The following MID1 variants were observed in gnomAD, a reference collection of about 807,000 sequenced individuals.
MID1 encodes E3 ubiquitin-protein ligase Midline-1.
A neutral mutation model predicts 40.4 loss-of-function variants in MID1; 7 were observed. The ratio of observed to expected loss-of-function variants is 0.17; its 90% CI spans 0.10 to 0.33. The LOEUF is 0.33. Ranked by LOEUF, MID1 falls within the 10% of genes least tolerant of loss-of-function variation. MID1 has a pLI of 1.00. For missense variants in MID1, 367 were observed against 558.5 expected, an observed-to-expected ratio of 0.66 and a Z score of 3.46; for synonymous variants, 229 against 221.2, an observed-to-expected ratio of 1.04 and a Z score of -0.31.
In MID1 at chrX:10,720,886, A is replaced by T. The variant is rs1426531675; in HGVS notation, c.-186-100467T>A. On this transcript the variant is annotated intron_variant, in intron 1 of 10. Transcript: ENST00000380785. The stretch of plus-strand genomic sequence containing the variant: ...TGCAGCCATAAAAAATGATGAGTTC[A>T]TGTCCTTTGTAGGGACATGGATGAA... Among the ~76,000 whole-genome samples the T allele has an allele frequency of 2.7e-5, 3 of 110,127 alleles. No homozygotes were observed. The East Asian group carries it at 8.5e-4, about 31-fold the overall frequency.
At chrX:10,477,812 T>C (rs73492963) in intron 5 of MID1, among the ~76,000 whole-genome samples, 2,455 of 112,250 alleles carry the variant, frequency 0.022, 49 homozygotes, top group African/African-American at 0.076. Context: ...AGTAACAAGA[T>C]AGGTTTACTT....
At chrX:10,572,272 G>A (rs141091127) in intron 1 of MID1, among the ~76,000 whole-genome samples, 155 of 108,956 alleles carry the variant, frequency 1.4e-3, no homozygotes, top group African/African-American at 4.9e-3. Flanking sequence ...GTATCAGGCC[G>A]GGCATGGTGG....
At chrX:10,648,681 A>G (rs1296080138) in intron 1 of MID1, among the ~76,000 whole-genome samples, 1 of 111,825 alleles carries the variant, frequency 8.9e-6, no homozygotes, top group Non-Finnish European at 1.9e-5. Flanking sequence ...TTATATGTCC[A>G]GTAACTCCTG....
chrX:10,629,969 C>A (rs1283732537), intron 1 of MID1, among the ~76,000 whole-genome samples: 1 of 112,117 alleles, frequency 8.9e-6, no homozygotes, highest in Non-Finnish European at 1.9e-5. Flanking sequence ...GACTCTCATG[C>A]CTTAACCATA....
intron 1 of MID1, among the ~76,000 whole-genome samples, chrX:10,819,270 A>C (rs1295142264): frequency 9.0e-6 from 1 of 111,233 alleles, no homozygotes; most frequent in African/African-American, 3.3e-5. Context: ...GAAGTATTGA[A>C]AGTTTGAAGA....
At chrX:10,731,646 T>G (rs1038447686) in intron 1 of MID1, among the ~76,000 whole-genome samples, 2 of 111,333 alleles carry the variant, frequency 1.8e-5, no homozygotes. Context: ...GTTTACACCT[T>G]AGGTAGCTAA....
chrX:10,541,026 T>G (rs755365262), intron 2 of MID1, among the ~76,000 whole-genome samples: 24 of 111,890 alleles, frequency 2.1e-4, no homozygotes, highest in South Asian at 3.7e-4. Context: ...GAGTTGAAAG[T>G]TTTTCCAGTT....
intron 6 of MID1, among the ~76,000 whole-genome samples, chrX:10,470,061 T>C (rs1370449046): frequency 8.9e-6 from 1 of 112,407 alleles, no homozygotes; most frequent in Non-Finnish European, 1.9e-5. Context: ...ACTTTCTGTG[T>C]TTATCATGAG....
At chrX:10,456,156 C>G (rs988267172) in intron 8 of MID1, among the ~76,000 whole-genome samples, 4 of 112,303 alleles carry the variant, frequency 3.6e-5, no homozygotes, top group Non-Finnish European at 7.5e-5. Flanking sequence ...CGATGCTGGG[C>G]GAGAAACTGA....
chrX:10,705,879 G>A (rs1376363222), intron 1 of MID1, among the ~76,000 whole-genome samples: 1 of 112,129 alleles, frequency 8.9e-6, no homozygotes, highest in Non-Finnish European at 1.9e-5. Context: ...AATATTATTG[G>A]GTACATACTA....
At chrX:10,688,376 C>G (rs2043112740) in intron 1 of MID1, among the ~76,000 whole-genome samples, 1 of 111,055 alleles carries the variant, frequency 9.0e-6, no homozygotes, top group South Asian at 3.8e-4. Flanking sequence ...TTACTTCTAT[C>G]CTCTTTCTGA....
intron 1 of MID1, among the ~76,000 whole-genome samples, chrX:10,749,511 T>C (rs144150550): frequency 4.5e-5 from 5 of 111,916 alleles, no homozygotes; most frequent in Middle Eastern, 4.6e-3. Flanking sequence ...CAAGAGATGA[T>C]TGAAGATTGT....
At chrX:10,752,374 G>A (rs1256639908) in intron 1 of MID1, among the ~76,000 whole-genome samples, 1 of 111,915 alleles carries the variant, frequency 8.9e-6, no homozygotes, top group African/African-American at 3.2e-5. Context: ...TACCTACTTC[G>A]AATCCTACTC....
intron 1 of MID1, among the ~76,000 whole-genome samples, chrX:10,686,766 T>C (rs1459026901): frequency 8.9e-6 from 1 of 112,155 alleles, no homozygotes; most frequent in African/African-American, 3.2e-5. Context: ...TACAAATCCT[T>C]GGACAACCTG....
intron 7 of MID1, among the ~76,000 whole-genome samples, chrX:10,466,274 T>C (rs1215725597): frequency 6.2e-5 from 7 of 112,310 alleles, no homozygotes; most frequent in Non-Finnish European, 1.1e-4. Flanking sequence ...CCAAATATGC[T>C]AGTGATATTA....
intron 3 of MID1, 128 bp from the exon 4 acceptor site, chrX:10,495,819 G>A (rs1931220414): frequency 3.8e-6 from 2 of 523,843 alleles, no homozygotes; most frequent in South Asian, 2.7e-5. Flanking sequence ...CTCTTTGTCC[G>A]ATTACGCAAG....
chrX:10,689,688 ATGT>A (rs1237799347), intron 1 of MID1, among the ~76,000 whole-genome samples: 7 of 107,871 alleles, frequency 6.5e-5, no homozygotes, highest in African/African-American at 2.4e-4. Context: ...CGTGTTTCAA[ATGT>A]TGTAGATTTT....
chrX:10,720,114 A>T (rs1327227439), intron 1 of MID1, among the ~76,000 whole-genome samples: 1 of 111,967 alleles, frequency 8.9e-6, no homozygotes, highest in Admixed American at 9.5e-5. Context: ...AACCTAGGCA[A>T]TACCATTCAG....
intron 1 of MID1, among the ~76,000 whole-genome samples, chrX:10,626,787 ATTTG>A (rs1936000347): frequency 8.9e-6 from 1 of 112,076 alleles, no homozygotes; most frequent in Non-Finnish European, 1.9e-5. Context: ...TAAATTGCTA[ATTTG>A]TTTGAGCCAA....
Sources: allele counts gnomAD v4.1 joint callset (sites outside exome capture counted in the v4.1 genomes callset), GRCh38; gene constraint gnomAD v4.1.1; transcripts MANE v1.5; gene names NCBI Gene and HGNC (gene_info 2026-07-23, HGNC 2026-07-21).